Variants in CERT1 observed in about 807,000 individuals in gnomAD.
CERT1 encodes the protein ceramide transporter 1.
Under a neutral mutation model 87.9 loss-of-function variants are expected in CERT1, and 31 were observed. The observed-to-expected ratio is 0.35, with a 90% CI of 0.27 to 0.48. The LOEUF (loss-of-function observed/expected upper bound fraction) is 0.48, where lower values mean the gene tolerates loss of function less well. CERT1 is among the 20% of genes least tolerant of loss of function. CERT1 has a pLI of 0.99. For missense variants in CERT1, 487 were observed against 758.0 expected (o/e 0.64, Z 4.20); for synonymous variants, 289 against 250.9 (o/e 1.15, Z -1.44).
downstream of CERT1, chr5:75,375,200 A>G (rs1363146150): frequency 2.0e-5 from 3 of 153,612 alleles, no homozygotes; most frequent in African/African-American, 7.2e-5. Context: ...ACTACTTACC[A>G]AGAATTTAAA....
intron 16 of CERT1, among the ~76,000 whole-genome samples, chr5:75,380,616 G>A (rs182152592): frequency 1.3e-5 from 2 of 151,784 alleles, no homozygotes; most frequent in East Asian, 1.9e-4. Flanking sequence ...GTGAAACCCC[G>A]TCTCTACTAA....
At chr5:75,419,529 T>A in intron 5 of CERT1, 105 bp from the exon 6 acceptor site, 4 of 754,758 alleles carry the variant, frequency 5.3e-6, no homozygotes, top group Non-Finnish European at 8.9e-6. Context: ...ATTCTGAGTA[T>A]GAAGTCTTAC....
At position 75,417,643 on chromosome 5, in the gene CERT1, T is replaced by A. The variant is rs933622799; in HGVS notation, c.680-610A>T. ...AGTAGAATAATTATAAATGAAATAA[T>A]GTCAATTTTGACTTTAAAAACGATT... On this transcript the variant is annotated intron_variant, in intron 6 of 16. Coordinates refer to ENST00000643780, the MANE Select transcript of CERT1 (RefSeq NM_001379029.1). 8.5e-5 allele frequency among the ~76,000 whole-genome samples: 13 copies of A among 152,348 alleles called. No homozygotes were observed. The South Asian group carries it at 2.7e-3, about 32-fold the overall frequency.
At position 75,506,220 on chromosome 5, in the gene CERT1, T is replaced by C. The variant is rs957831819; in HGVS notation, c.97-104A>G. The C allele has an allele frequency of 3.7e-6, 4 of 1,074,966 alleles. No homozygotes were observed. The Admixed American group carries it at 7.7e-5, about 21-fold the overall frequency. 66.6% of individuals were successfully genotyped at this position (1,074,966 alleles called of 1,614,324 possible). ...GCAATCTAATTTTAAAACCAAAACG[T>C]GAAAAGTCCAACTTAATTCTAAGCA... is the stretch of plus-strand genomic sequence containing the variant. On this transcript the variant is annotated intron_variant, in intron 1 of 16. Coordinates refer to ENST00000643780, the MANE Select transcript of CERT1 (RefSeq NM_001379029.1).
chr5:75,371,224 A>G (rs1761074303), intron 17 of CERT1: 1 of 152,250 alleles, frequency 6.6e-6, no homozygotes, highest in South Asian at 2.1e-4. Flanking sequence ...TAAAGCTATT[A>G]TAGAAGTTAC....
At chr5:75,413,668 T>TACAC (rs148440926) in intron 7 of CERT1, among the ~76,000 whole-genome samples, 47 of 150,188 alleles carry the variant, frequency 3.1e-4, no homozygotes, top group East Asian at 5.9e-4. Context: ...CCAACACCTA[T>TACAC]ACACACACAC....
chr5:75,464,251 A>C (rs774803047), intron 2 of CERT1, among the ~76,000 whole-genome samples: 1 of 152,140 alleles, frequency 6.6e-6, no homozygotes, highest in African/African-American at 2.4e-5. Context: ...ACTAGAGGTT[A>C]AGGCATGGAT....
intron 3 of CERT1, among the ~76,000 whole-genome samples, chr5:75,442,082 C>T (rs1764346360): frequency 6.6e-6 from 1 of 152,174 alleles, no homozygotes; most frequent in African/African-American, 2.4e-5. Context: ...TGATAATAGC[C>T]ACCCTAATGG....
At chr5:75,373,056 TTAC>T (rs1761143520), downstream of CERT1, 1 of 152,242 alleles carries the variant, frequency 6.6e-6, no homozygotes. Flanking sequence ...TTTTAAGTTC[TTAC>T]AGCAACAAAG....
At position 75,382,114 on chromosome 5, in the gene CERT1, A is replaced by G. The variant is rs754236714; in HGVS notation, c.1489-37T>C. On this transcript the variant is annotated intron_variant, in intron 14 of 16. Transcript: ENST00000643780. ...TAAAAATCTTTTGAAAAACAGATCT[A>G]ACATGGAACTAACAAGAGAAACGTA... is the stretch of plus-strand genomic sequence containing the variant. The G allele has an allele frequency of 3.1e-6, 5 of 1,592,620 alleles. No homozygotes were observed. In the Admixed American group the frequency reaches 7.1e-5, roughly 23 times the overall value.
intron 2 of CERT1, among the ~76,000 whole-genome samples, chr5:75,462,017 ATACAG>A (rs1765254380): frequency 6.6e-6 from 1 of 152,192 alleles, no homozygotes; most frequent in Non-Finnish European, 1.5e-5. Context: ...TTTGCTCATT[ATACAG>A]TAATTTAGTC....
intron 1 of CERT1, among the ~76,000 whole-genome samples, chr5:75,509,515 T>G (rs1767813004): frequency 6.6e-6 from 1 of 152,140 alleles, no homozygotes; most frequent in South Asian, 2.1e-4. Context: ...TCCATAGAGG[T>G]GATCAAATAC....
chr5:75,403,354 G>T (rs993978578), intron 8 of CERT1, among the ~76,000 whole-genome samples: 2 of 152,250 alleles, frequency 1.3e-5, no homozygotes, highest in Admixed American at 1.3e-4. Context: ...AATCCAGTCT[G>T]CTGCCTACTT....
intron 8 of CERT1, among the ~76,000 whole-genome samples, chr5:75,403,622 C>T (rs1469935358): frequency 1.3e-5 from 2 of 152,112 alleles, no homozygotes; most frequent in African/African-American, 2.4e-5. Flanking sequence ...CTAATAAGTA[C>T]GGCTAGGCAT....
chr5:75,509,691 C>G (rs1052318170), intron 1 of CERT1, among the ~76,000 whole-genome samples: 1 of 151,852 alleles, frequency 6.6e-6, no homozygotes, highest in Admixed American at 6.6e-5. Flanking sequence ...AAATACTTAA[C>G]ACATCACAAT....
chr5:75,410,924 TA>T, intron 8 of CERT1, 86 bp downstream of exon 8: 1 of 639,106 alleles, frequency 1.6e-6, no homozygotes, highest in Admixed American at 2.9e-5. Flanking sequence ...TTAGAATATT[TA>T]AAGGTTACAA....
intron 2 of CERT1, among the ~76,000 whole-genome samples, chr5:75,480,915 T>A (rs1247388355): frequency 1.3e-5 from 2 of 152,176 alleles, no homozygotes; most frequent in Non-Finnish European, 2.9e-5. Context: ...CTCATCTGGA[T>A]TACCTGCAAC....
At position 75,440,979 on chromosome 5, in the gene CERT1, T is replaced by C. The variant is rs576317949; in HGVS notation, c.349-14501A>G. ...ATTGCTAATAAGGTCTTGGTAGAGG[T>C]AGAAATACAATTACACTCAACTATC... On this transcript the variant is annotated intron_variant, in intron 3 of 16. Coordinates refer to ENST00000643780, the MANE Select transcript of CERT1 (RefSeq NM_001379029.1). Among the ~76,000 whole-genome samples the C allele has an allele frequency of 3.9e-5, 6 of 152,252 alleles. No homozygotes were observed. In the South Asian group the frequency reaches 8.3e-4, roughly 21 times the overall value.
intron 11 of CERT1, among the ~76,000 whole-genome samples, chr5:75,397,147 T>C (rs1026107432): frequency 6.6e-6 from 1 of 152,216 alleles, no homozygotes; most frequent in African/African-American, 2.4e-5. Context: ...ATTACAACAG[T>C]GAATTGCTAG....
Sources: allele counts gnomAD v4.1 joint callset (sites outside exome capture counted in the v4.1 genomes callset), GRCh38; gene constraint gnomAD v4.1.1; transcripts MANE v1.5; gene names NCBI Gene and HGNC (gene_info 2026-07-23, HGNC 2026-07-21).